The following ERG variants were observed in gnomAD, a reference collection of about 807,000 sequenced individuals.
ERG encodes the protein transcriptional regulator ERG.
Under a neutral mutation model 55.3 loss-of-function variants are expected in ERG, and 9 were observed. The observed-to-expected ratio is 0.16, with a 90% confidence interval of 0.10 to 0.28. The LOEUF (loss-of-function observed/expected upper bound fraction) is 0.28, where lower values mean the gene tolerates loss of function less well. Ranked by LOEUF, ERG falls within the 10% of genes least tolerant of loss-of-function variation. The pLI, the probability that ERG is intolerant of heterozygous loss-of-function variation, is 1.00. For synonymous variants in ERG, 223 were observed against 237.3 expected (o/e 0.94, Z 0.55); for missense variants, 434 against 631.6 (o/e 0.69, Z 3.35).
Position 38,392,404 on chromosome 21 carries a change from A to C in ERG, c.786T>G (p.Gly262=), listed in dbSNP as rs2146431682. 4 of 1,567,196 alleles carry C rather than the reference A, an allele frequency of 2.6e-6. No individual in the cohort carries two copies. The highest frequency in any genetic ancestry group is 3.5e-6 in the Non-Finnish European group (4 of 1,154,308). ...TCGACTGGGGCGTGGGGTGGCCGTG[A>C]CCGGTCCAGGCTGATCTCCTGGGGG... is the stretch of plus-strand genomic sequence containing the variant. ...YEPPRRSAWT[G]HGHPTPQSKA... Residue 262 remains glycine, a synonymous_variant, in exon 7 of 10, where the codon GGT becomes GGG. Transcript: ENST00000288319.
chr21:38,450,785 G>A, intron 1 of ERG: 1 of 407,292 alleles, frequency 2.5e-6, no homozygotes, highest in Non-Finnish European at 4.9e-6. Context: ...GTATCAGGCA[G>A]CATTTCTTCT....
At chr21:38,648,125 T>C (rs1393026389) in intron 1 of ERG, among the ~76,000 whole-genome samples, 2 of 152,240 alleles carry the variant, frequency 1.3e-5, no homozygotes, top group Admixed American at 6.5e-5. Flanking sequence ...TGCAATTCTT[T>C]TTTTTAAATT....
downstream of ERG, among the ~76,000 whole-genome samples, chr21:38,377,021 C>T (rs1451396799): frequency 6.6e-6 from 1 of 152,226 alleles, no homozygotes; most frequent in Non-Finnish European, 1.5e-5. Context: ...TGAAGACTGT[C>T]CAAGCGATGG....
intron 2 of ERG, among the ~76,000 whole-genome samples, chr21:38,440,663 A>G (rs2058832483): frequency 6.6e-6 from 1 of 151,902 alleles, no homozygotes; most frequent in South Asian, 2.1e-4. Flanking sequence ...TCCGCTAAAA[A>G]TATGAAAACT....
intron 1 of ERG, among the ~76,000 whole-genome samples, chr21:38,594,797 C>A (rs900428813): frequency 6.6e-6 from 1 of 152,200 alleles, no homozygotes; most frequent in Non-Finnish European, 1.5e-5. Flanking sequence ...TTGCAGAAGA[C>A]TCTGTACAGG....
chr21:38,647,181 T>C (rs2060462361), intron 1 of ERG, among the ~76,000 whole-genome samples: 1 of 152,160 alleles, frequency 6.6e-6, no homozygotes, highest in South Asian at 2.1e-4. Context: ...ATTATCAGTT[T>C]TCAGGCCACG....
chr21:38,503,173 A>G (rs897853862), upstream of ERG, among the ~76,000 whole-genome samples: 3 of 152,220 alleles, frequency 2.0e-5, no homozygotes, highest in African/African-American at 7.2e-5. Flanking sequence ...TCAAAACATA[A>G]ATTTGTAATA....
chr21:38,373,828 T>C, the ERG span, among the ~76,000 whole-genome samples: 1 of 152,250 alleles, frequency 6.6e-6, no homozygotes, highest in Admixed American at 6.5e-5. Context: ...GTCTTCAAGA[T>C]TTTTTGCTAT....
At chr21:38,523,547 C>T (rs17230638) in intron 2 of ERG, among the ~76,000 whole-genome samples, 17,047 of 152,132 alleles carry the variant, frequency 0.11, 983 homozygotes, top group Non-Finnish European at 0.12. Context: ...GCCAGGAAGC[C>T]GGTGGTCACC....
In ERG at chr21:38,603,399, T is replaced by C. The variant is rs180767488; in HGVS notation, c.-149-18454A>G. 4.6e-5 allele frequency among the ~76,000 whole-genome samples: 7 copies of C among 152,086 alleles called. No homozygotes were observed. The East Asian group carries it at 1.4e-3, about 29-fold the overall frequency. On this transcript the variant is annotated intron_variant, in intron 1 of 10. Transcript: ENST00000398910. ...ATTTTGGGAGGCCGAGGTGGGCAGA[T>C]CACAAGGTCAAGAGATCGAGACCAT... is the stretch of plus-strand genomic sequence containing the variant.
chr21:38,565,394 T>A (rs1436319747), intron 2 of ERG, among the ~76,000 whole-genome samples: 3 of 152,236 alleles, frequency 2.0e-5, no homozygotes, highest in African/African-American at 7.2e-5. Context: ...AACCTTCCAA[T>A]GGTTCTCCTC....
At chr21:38,394,363 T>TC (rs1988110696) in intron 6 of ERG, among the ~76,000 whole-genome samples, 2 of 152,112 alleles carry the variant, frequency 1.3e-5, no homozygotes, top group South Asian at 4.2e-4. Flanking sequence ...TATCTTTTTT[T>TC]TTTTTTGGAG....
intron 1 of ERG, among the ~76,000 whole-genome samples, chr21:38,492,748 T>C (rs1265166437): frequency 6.6e-6 from 1 of 152,102 alleles, no homozygotes; most frequent in Non-Finnish European, 1.5e-5. Flanking sequence ...TTATAAAACA[T>C]GTCTTGGCCA....
intron 1 of ERG, among the ~76,000 whole-genome samples, chr21:38,497,439 T>C (rs1472220993): frequency 6.6e-6 from 1 of 152,240 alleles, no homozygotes; most frequent in African/African-American, 2.4e-5. Context: ...TGCTGATTTT[T>C]CACATTTCTA....
downstream of ERG, among the ~76,000 whole-genome samples, chr21:38,375,145 G>A (rs924113431): frequency 3.3e-5 from 5 of 152,178 alleles, no homozygotes; most frequent in South Asian, 2.1e-4. Context: ...GGAAGGCTGA[G>A]TACTTGTTAA....
chr21:38,418,270 A>AGTGTGTGTGTGTGTGT (rs71184622), intron 3 of ERG, among the ~76,000 whole-genome samples: 2,685 of 130,354 alleles, frequency 0.021, 52 homozygotes, highest in Admixed American at 0.054. Flanking sequence ...AACATTTGGA[A>AGTGTGTGTGTGTGTGT]GTGTGTGTGT....
chr21:38,431,661 T>C (rs930700328), intron 2 of ERG, among the ~76,000 whole-genome samples: 1 of 152,166 alleles, frequency 6.6e-6, no homozygotes, highest in African/African-American at 2.4e-5. Flanking sequence ...CAAGTGCATC[T>C]GATGACAAGG....
chr21:38,598,553 C>T (rs1172432229), intron 1 of ERG, among the ~76,000 whole-genome samples: 1 of 152,198 alleles, frequency 6.6e-6, no homozygotes, highest in African/African-American at 2.4e-5. Flanking sequence ...TTCCTGCCAT[C>T]GGCTGAGGCT....
intron 1 of ERG, among the ~76,000 whole-genome samples, chr21:38,496,004 C>A (rs539872715): frequency 1.3e-4 from 20 of 152,176 alleles, no homozygotes; most frequent in Non-Finnish European, 2.9e-4. Context: ...TTAAGCTGAT[C>A]TTAAAATTCA....
Sources: gnomAD v4.1 joint callset for allele counts (sites outside exome capture counted in the v4.1 genomes callset) on GRCh38, gnomAD v4.1.1 for gene constraint, MANE v1.5 for transcripts, NCBI Gene and HGNC (gene_info 2026-07-23, HGNC 2026-07-21) for gene names.